TENT5D: variants seen among roughly 807,000 people sequenced by gnomAD.
TENT5D encodes terminal nucleotidyltransferase 5D.
For missense variants in TENT5D, 191 were observed against 287.0 expected (o/e 0.67, Z 2.42); for synonymous variants, 103 against 100.6 (o/e 1.02, Z -0.15).
upstream of TENT5D, among the ~76,000 whole-genome samples, chrX:80,417,373 T>G (rs1181770263): frequency 1.8e-5 from 2 of 111,203 alleles, no homozygotes; most frequent in African/African-American, 6.5e-5. Context: ...GCAGATTTGT[T>G]TGTGTGTTTG....
chrX:80,339,981 T>A (rs1385850136), intron 2 of TENT5D, among the ~76,000 whole-genome samples: 2 of 109,825 alleles, frequency 1.8e-5, no homozygotes, highest in Non-Finnish European at 3.8e-5. Context: ...GGAAACCTTT[T>A]CAAAACTTGA....
At chrX:80,359,989 T>G (rs1449319000) in intron 3 of TENT5D, among the ~76,000 whole-genome samples, 1 of 111,852 alleles carries the variant, frequency 8.9e-6, no homozygotes, top group Non-Finnish European at 1.9e-5. Flanking sequence ...CTTAATCAAC[T>G]TTCCCCTAAG....
At chrX:80,412,145 G>T (rs1349596880) in intron 3 of TENT5D, among the ~76,000 whole-genome samples, 1 of 112,805 alleles carries the variant, frequency 8.9e-6, no homozygotes, top group African/African-American at 3.2e-5. Flanking sequence ...AAGGCTTGGG[G>T]CTCCCACCCT....
intron 3 of TENT5D, among the ~76,000 whole-genome samples, chrX:80,414,966 TTTA>T (rs1931740918): frequency 1.8e-5 from 2 of 112,149 alleles, no homozygotes; most frequent in South Asian, 7.3e-4. Context: ...GTCTGATATT[TTTA>T]TCAGTGTTTT....
chrX:80,385,368 T>C (rs1165287149), intron 3 of TENT5D, among the ~76,000 whole-genome samples: 1 of 110,492 alleles, frequency 9.1e-6, no homozygotes, highest in Non-Finnish European at 1.9e-5. Flanking sequence ...TGGCTAGCCA[T>C]ATATAGAAAG....
At chrX:80,413,100 A>T (rs1931703905) in intron 3 of TENT5D, among the ~76,000 whole-genome samples, 1 of 111,977 alleles carries the variant, frequency 8.9e-6, no homozygotes, top group Non-Finnish European at 1.9e-5. Context: ...CATCTAGCAG[A>T]GATAAATAAC....
chrX:80,410,480 A>T, intron 3 of TENT5D, among the ~76,000 whole-genome samples: 1 of 90,449 alleles, frequency 1.1e-5, no homozygotes, highest in Non-Finnish European at 2.2e-5. Context: ...GCAGCCAAAA[A>T]ACACATGAAA....
chrX:80,388,442 TAGTC>T (rs959300461), intron 3 of TENT5D, among the ~76,000 whole-genome samples: 2 of 111,405 alleles, frequency 1.8e-5, no homozygotes, highest in African/African-American at 3.3e-5. Flanking sequence ...AAGGGCTCCT[TAGTC>T]AGCAGATGAT....
At chrX:80,404,217 C>G (rs371818974) in intron 3 of TENT5D, among the ~76,000 whole-genome samples, 2 of 111,420 alleles carry the variant, frequency 1.8e-5, no homozygotes, top group African/African-American at 6.5e-5. Context: ...TTCATTTAGC[C>G]AAAGTGATAA....
chrX:80,432,530 AAACTT>A (rs1273254595), intron 1 of TENT5D, among the ~76,000 whole-genome samples: 1 of 112,072 alleles, frequency 8.9e-6, no homozygotes, highest in Non-Finnish European at 1.9e-5. Context: ...TGAGAGAAGA[AAACTT>A]AAGACAAGAA....
chrX:80,395,017 T>C (rs1437145122), intron 3 of TENT5D, among the ~76,000 whole-genome samples: 2 of 111,842 alleles, frequency 1.8e-5, no homozygotes, highest in Non-Finnish European at 3.8e-5. Context: ...CTCCCCATTC[T>C]CTCCTGCTCT....
At chrX:80,374,179 C>CT (rs1286297707) in intron 3 of TENT5D, among the ~76,000 whole-genome samples, 3 of 111,509 alleles carry the variant, frequency 2.7e-5, no homozygotes, top group Non-Finnish European at 3.8e-5. Context: ...TGATCTTGTG[C>CT]TTTTTTTGGC....
At chrX:80,364,613 T>C (rs1240611765) in intron 3 of TENT5D, among the ~76,000 whole-genome samples, 1 of 110,360 alleles carries the variant, frequency 9.1e-6, no homozygotes, top group Non-Finnish European at 1.9e-5. Flanking sequence ...TTGAAGAGGA[T>C]GAGGAGAGAT....
At chrX:80,411,649 A>C (rs981284790) in intron 3 of TENT5D, among the ~76,000 whole-genome samples, 2 of 112,345 alleles carry the variant, frequency 1.8e-5, no homozygotes, top group African/African-American at 3.2e-5. Flanking sequence ...TAATAAGAAC[A>C]CATTTCTTTT....
upstream of TENT5D, among the ~76,000 whole-genome samples, chrX:80,415,895 T>G (rs1931762783): frequency 8.9e-6 from 1 of 111,937 alleles, no homozygotes; most frequent in South Asian, 3.7e-4. Context: ...ATACATTTGA[T>G]AAAATTCAGT....
At chrX:80,421,820 A>G (rs2147559914) in intron 1 of TENT5D, among the ~76,000 whole-genome samples, 1 of 111,438 alleles carries the variant, frequency 9.0e-6, no homozygotes, top group East Asian at 2.9e-4. Context: ...TAAGGAAAAA[A>G]GTGACTAGAA....
chrX:80,375,290 T>A (rs1930703864), intron 3 of TENT5D, among the ~76,000 whole-genome samples: 1 of 111,660 alleles, frequency 9.0e-6, no homozygotes, highest in Non-Finnish European at 1.9e-5. Flanking sequence ...TTCTGTGCAG[T>A]TAATTGTATA....
chrX:80,338,436 A>T (rs1007415995), intron 2 of TENT5D, among the ~76,000 whole-genome samples: 2 of 112,365 alleles, frequency 1.8e-5, no homozygotes, highest in African/African-American at 6.5e-5. Flanking sequence ...CAGCTATTGA[A>T]CATGTTAAAA....
chrX:80,426,870 G>A (rs1484529139), intron 1 of TENT5D, among the ~76,000 whole-genome samples: 1 of 111,718 alleles, frequency 9.0e-6, no homozygotes, highest in East Asian at 2.8e-4. Context: ...TCCACATGTT[G>A]TGGAAGTGAC....
Sources: allele counts gnomAD v4.1 joint callset (sites outside exome capture counted in the v4.1 genomes callset), GRCh38; gene constraint gnomAD v4.1.1; transcripts MANE v1.5; gene names NCBI Gene and HGNC (gene_info 2026-07-23, HGNC 2026-07-21).